The following MAN2A1 variants were observed in gnomAD, a reference collection of about 807,000 sequenced individuals.
The protein encoded by MAN2A1 is alpha-mannosidase 2.
A neutral mutation model predicts 142.6 loss-of-function variants in MAN2A1; 76 were observed. That is an observed-to-expected ratio of 0.53 (90% CI 0.44 to 0.65). The LOEUF is 0.65. Ranked by LOEUF, MAN2A1 falls within the 30% of genes least tolerant of loss-of-function variation. MAN2A1 has a pLI of 0.00. For missense variants in MAN2A1, 1,311 were observed against 1,365.1 expected (o/e 0.96, Z 0.62); for synonymous variants, 559 against 473.2 (o/e 1.18, Z -2.35).
intron 16 of MAN2A1, among the ~76,000 whole-genome samples, chr5:109,840,912 C>T (rs902293939): frequency 6.6e-6 from 1 of 152,196 alleles, no homozygotes; most frequent in Admixed American, 6.5e-5. Context: ...CAGAGTTAAA[C>T]TTCCTTTCTT....
intron 8 of MAN2A1, among the ~76,000 whole-genome samples, chr5:109,779,087 T>C (rs1242587110): frequency 6.6e-6 from 1 of 152,158 alleles, no homozygotes; most frequent in Non-Finnish European, 1.5e-5. Context: ...TTTTATGAGC[T>C]ACCAAGAGAC....
chr5:109,826,515 G>A (rs13355415), intron 16 of MAN2A1, among the ~76,000 whole-genome samples: 20,125 of 151,872 alleles, frequency 0.13, 1,749 homozygotes, highest in African/African-American at 0.25. Flanking sequence ...ATACCTTCCC[G>A]TGTTTGTATT....
At chr5:109,735,311 C>G (rs1466624036) in intron 4 of MAN2A1, among the ~76,000 whole-genome samples, 2 of 152,108 alleles carry the variant, frequency 1.3e-5, no homozygotes, top group Non-Finnish European at 2.9e-5. Flanking sequence ...ACTGATGGGT[C>G]TTGACTCTTT....
chr5:109,862,989 C>A (rs1755793969), intron 20 of MAN2A1: 1 of 152,092 alleles, frequency 6.6e-6, no homozygotes, highest in Admixed American at 6.5e-5. Context: ...AAAGGTGTTT[C>A]CCTCCCCACA....
At chr5:109,765,890 A>G (rs55814216) in intron 5 of MAN2A1, among the ~76,000 whole-genome samples, 12,837 of 152,078 alleles carry the variant, frequency 0.084, 634 homozygotes, top group African/African-American at 0.15. Flanking sequence ...TTATGACGCA[A>G]GAATATATTC....
Position 109,847,050 on chromosome 5 carries a change from A to C in MAN2A1, c.2843-607A>C, listed in dbSNP as rs957303813. 5.3e-5 allele frequency among the ~76,000 whole-genome samples: 8 copies of C among 152,266 alleles called. No homozygotes were observed. In the East Asian group the frequency reaches 9.6e-4, roughly 18 times the overall value. On this transcript the variant is annotated intron_variant, in intron 18 of 21. Coordinates refer to ENST00000261483, the MANE Select transcript of MAN2A1 (RefSeq NM_002372.4). ...TCCAGAAGTCTGGAATTTTACGTGA[A>C]GTTGTTCAATCTGTAAAATATTGAT...
chr5:109,867,197 A>G lies in MAN2A1; in HGVS notation c.*199A>G, dbSNP rs949384346. 5 of 379,260 alleles carry G rather than the reference A, an allele frequency of 1.3e-5. No individual in the cohort carries two copies. The highest frequency in any genetic ancestry group is 4.5e-5 in the Admixed American group (1 of 22,162). 23.5% of individuals were successfully genotyped at this position (379,260 alleles called of 1,614,324 possible). On this transcript the variant is annotated 3_prime_UTR_variant, in exon 22 of 22. Coordinates refer to ENST00000261483, the MANE Select transcript of MAN2A1 (RefSeq NM_002372.4). ...AAAAAAAGCCATGCTATCAATCAAG[A>G]TTCTTTTTTTTTAAACTTTCTCCCA...
intron 12 of MAN2A1, among the ~76,000 whole-genome samples, chr5:109,797,204 A>G (rs1287397464): frequency 6.6e-6 from 1 of 152,198 alleles, no homozygotes; most frequent in Non-Finnish European, 1.5e-5. Context: ...ATGAAGACTC[A>G]GAAGTGTAGC....
At chr5:109,815,554 C>T (rs1754432721) in intron 12 of MAN2A1, among the ~76,000 whole-genome samples, 1 of 152,096 alleles carries the variant, frequency 6.6e-6, no homozygotes, top group African/African-American at 2.4e-5. Context: ...TCATTATCAC[C>T]TTTGGTATCT....
At chr5:109,778,880 G>T (rs755621704) in intron 8 of MAN2A1, among the ~76,000 whole-genome samples, 1 of 152,076 alleles carries the variant, frequency 6.6e-6, no homozygotes, top group Non-Finnish European at 1.5e-5. Flanking sequence ...ACTGAGTTCA[G>T]ATGGCTGAAA....
chr5:109,715,780 A>C (rs980403759), intron 2 of MAN2A1, among the ~76,000 whole-genome samples: 2 of 152,194 alleles, frequency 1.3e-5, no homozygotes, highest in Non-Finnish European at 2.9e-5. Flanking sequence ...GTCATAATCA[A>C]ATTTCATCAG....
At chr5:109,748,746 G>T (rs1379253994) in intron 4 of MAN2A1, among the ~76,000 whole-genome samples, 1 of 151,882 alleles carries the variant, frequency 6.6e-6, no homozygotes, top group Non-Finnish European at 1.5e-5. Flanking sequence ...CTGAAAGAAG[G>T]GCATGTGGCT....
intron 2 of MAN2A1, 122 bp from the exon 3 acceptor site, chr5:109,715,998 G>C (rs887250849): frequency 1.0e-5 from 6 of 598,866 alleles, no homozygotes; most frequent in African/African-American, 1.9e-5. Flanking sequence ...AATGTCTACA[G>C]AAATAGTTTT....
intron 16 of MAN2A1, among the ~76,000 whole-genome samples, chr5:109,836,151 C>G (rs1467621700): frequency 7.3e-5 from 11 of 151,514 alleles, no homozygotes; most frequent in Admixed American, 7.2e-4. Context: ...CTCTGTTGCC[C>G]CAGGCTGGAG....
rs563762326 is a variant in MAN2A1 at position 109,780,472 on chromosome 5, A to T, written c.1375-924A>T. Among the ~76,000 whole-genome samples the T allele has an allele frequency of 4.8e-4, 73 of 151,902 alleles. 1 individual carries two copies. Among genetic ancestry groups the T allele is most frequent in the Middle Eastern group, 3.4e-3 (1 of 292 alleles). On this transcript the variant is annotated intron_variant, in intron 8 of 21. Coordinates refer to ENST00000261483, the MANE Select transcript of MAN2A1 (RefSeq NM_002372.4). ...AGTGGTAGAGATGGAATTCAAAGCT[A>T]TGCTATTGCTACCTTGAATCAAAAT...
chr5:109,707,970 G>T (rs1276735023), intron 1 of MAN2A1, among the ~76,000 whole-genome samples: 1 of 152,150 alleles, frequency 6.6e-6, no homozygotes, highest in Non-Finnish European at 1.5e-5. Flanking sequence ...TTTTTCAGGG[G>T]TGAGGTTTCA....
intron 8 of MAN2A1, among the ~76,000 whole-genome samples, chr5:109,779,534 ATTTCT>A (rs1388446022): frequency 6.7e-6 from 1 of 148,608 alleles, no homozygotes; most frequent in African/African-American, 2.5e-5. Flanking sequence ...TTCGTGACTC[ATTTCT>A]TTTATGGTTA....
intron 1 of MAN2A1, 53 bp downstream of exon 1, chr5:109,690,605 C>G: frequency 1.9e-6 from 3 of 1,540,862 alleles, no homozygotes; most frequent in South Asian, 1.2e-5. Context: ...CGTGCGGGCC[C>G]CTGGTTAGCG....
chr5:109,736,126 A>C (rs1488504789), intron 4 of MAN2A1, among the ~76,000 whole-genome samples: 5 of 152,092 alleles, frequency 3.3e-5, no homozygotes, highest in Non-Finnish European at 2.9e-5. Flanking sequence ...TTTTACACTG[A>C]AATGTTAGCT....
Sources: gnomAD v4.1 joint callset for allele counts (sites outside exome capture counted in the v4.1 genomes callset) on GRCh38, gnomAD v4.1.1 for gene constraint, MANE v1.5 for transcripts, NCBI Gene and HGNC (gene_info 2026-07-23, HGNC 2026-07-21) for gene names.